HCN1: variants seen among roughly 807,000 people sequenced by gnomAD.
HCN1 encodes the protein hyperpolarization activated cyclic nucleotide gated potassium channel 1.
A neutral mutation model predicts 78.9 loss-of-function variants in HCN1; 13 were observed. The ratio of observed to expected loss-of-function variants is 0.16; its 90% CI spans 0.11 to 0.26. The LOEUF is 0.26. Among genes scored for constraint, HCN1 ranks in the 10% least tolerant of loss-of-function variants. The probability of loss-of-function intolerance (pLI) is 1.00; values close to 1 mark genes in which losing one functional copy is unlikely to be tolerated. For synonymous variants in HCN1, 552 were observed against 455.5 expected, an observed-to-expected ratio of 1.21 and a Z score of -2.70; for missense variants, 810 against 1,154.3, an observed-to-expected ratio of 0.70 and a Z score of 4.32.
intron 2 of HCN1, among the ~76,000 whole-genome samples, chr5:45,462,335 G>T (rs1003559228): frequency 2.0e-5 from 3 of 152,022 alleles, no homozygotes; most frequent in Non-Finnish European, 4.4e-5. Context: ...TTAAAACAAG[G>T]TAGCAAAATT....
intron 2 of HCN1, among the ~76,000 whole-genome samples, chr5:45,537,523 CTTTTTTTTTTT>C (rs71000638): frequency 7.7e-3 from 198 of 25,740 alleles, no homozygotes; most frequent in African/African-American, 0.019. Flanking sequence ...AACTCTAAGT[CTTTTTTTTTTT>C]TTTTTTTTTT....
intron 6 of HCN1, among the ~76,000 whole-genome samples, chr5:45,281,574 CTCT>C (rs1745167626): frequency 2.9e-5 from 4 of 139,962 alleles, no homozygotes; most frequent in Non-Finnish European, 4.6e-5. Context: ...AAGAGCTCTT[CTCT>C]TCTTTTTTTT....
At chr5:45,666,831 T>C (rs1466003035) in intron 1 of HCN1, among the ~76,000 whole-genome samples, 3 of 152,028 alleles carry the variant, frequency 2.0e-5, no homozygotes, top group African/African-American at 7.2e-5. Flanking sequence ...AATCAGTCTA[T>C]ATGTGTCTGT....
chr5:45,533,188 T>C (rs1742894959), intron 2 of HCN1, among the ~76,000 whole-genome samples: 1 of 152,214 alleles, frequency 6.6e-6, no homozygotes, highest in African/African-American at 2.4e-5. Flanking sequence ...TCTGAAAAGC[T>C]TTTTACTTTT....
At chr5:45,447,584 C>A (rs925415467) in intron 3 of HCN1, among the ~76,000 whole-genome samples, 12 of 152,166 alleles carry the variant, frequency 7.9e-5, no homozygotes, top group African/African-American at 2.9e-4. Context: ...GATCTGAAGA[C>A]AGGATCCTAA....
intron 7 of HCN1, 56 bp from the exon 8 acceptor site, chr5:45,262,866 G>A (rs184428692): frequency 1.9e-6 from 3 of 1,588,744 alleles, no homozygotes; most frequent in East Asian, 2.2e-5. Flanking sequence ...TGATGACAAC[G>A]CCAAGTGAGA....
chr5:45,442,865 C>A (rs190616260), intron 3 of HCN1, among the ~76,000 whole-genome samples: 3 of 152,112 alleles, frequency 2.0e-5, no homozygotes, highest in African/African-American at 7.2e-5. Context: ...AATTTTTAAT[C>A]AGTTTGATTA....
intron 4 of HCN1, among the ~76,000 whole-genome samples, chr5:45,359,578 A>G (rs1275476742): frequency 1.3e-5 from 2 of 151,868 alleles, no homozygotes; most frequent in East Asian, 3.9e-4. Context: ...TTTTTTTAAA[A>G]GGCAAAAGAC....
In HCN1 at chr5:45,262,377, C is replaced by T; in HGVS notation, c.2217G>A (p.Gln739=). Residue 739 remains glutamine, a synonymous_variant, in exon 8 of 8, where the codon CAG becomes CAA. Transcript: ENST00000303230. The part of the protein sequence containing the change: ...LMQQQPQQQV[Q]QSQPPQTQPQ... ...GCTGAGTCTGCGGCGGCTGGGACTG[C>T]TGTACCTGCTGCTGCGGCTGCTGTT... is the stretch of plus-strand genomic sequence containing the variant. The T allele has an allele frequency of 1.2e-6, 2 of 1,611,882 alleles. No individual in the cohort carries two copies. The highest frequency in any genetic ancestry group is 8.5e-7 in the Non-Finnish European group (1 of 1,179,618).
chr5:45,421,332 G>T (rs1740224037), intron 3 of HCN1, among the ~76,000 whole-genome samples: 1 of 152,160 alleles, frequency 6.6e-6, no homozygotes, highest in Admixed American at 6.5e-5. Context: ...AAAGTGCTGG[G>T]ATTACAGGCG....
chr5:45,324,363 AAAG>A (rs1746193368), intron 5 of HCN1, among the ~76,000 whole-genome samples: 1 of 152,022 alleles, frequency 6.6e-6, no homozygotes, highest in Non-Finnish European at 1.5e-5. Context: ...ACACTTCTCA[AAAG>A]AAGACATTTA....
In HCN1 at chr5:45,555,699, G is replaced by C. The variant is rs558118560; in HGVS notation, c.849+89486C>G. Reference sequence around the variant, plus strand: ...AGCATGGTACTAGCATAAAAGCAGAGACATAGAAAAATACAACAGAATAAA... The same window carrying C: ...AGCATGGTACTAGCATAAAAGCAGACACATAGAAAAATACAACAGAATAAA... On this transcript the variant is annotated intron_variant, in intron 2 of 7. Coordinates refer to ENST00000303230, the MANE Select transcript of HCN1 (RefSeq NM_021072.4). 4.8e-5 allele frequency among the ~76,000 whole-genome samples: 7 copies of C among 144,586 alleles called. No homozygotes were observed. In the South Asian group the frequency reaches 1.5e-3, roughly 32 times the overall value. 94.9% of individuals were successfully genotyped at this position (144,586 alleles called of 152,430 possible).
Position 45,311,011 on chromosome 5 carries a change from C to T in HCN1, c.1378-7172G>A, listed in dbSNP as rs115756418. On this transcript the variant is annotated intron_variant, in intron 5 of 7. Coordinates refer to ENST00000303230, the MANE Select transcript of HCN1 (RefSeq NM_021072.4). ...AGGAACAACACATACTGGGGCCTAT[C>T]GGAGGGTGGAAGGAGGGATAGAACC... 6.8e-3 allele frequency among the ~76,000 whole-genome samples: 1,033 copies of T among 152,000 alleles called. 8 individuals are homozygous for T. Among genetic ancestry groups the T allele is most frequent in the Middle Eastern group, 0.017 (5 of 294 alleles).
At chr5:45,420,651 C>T (rs1740208201) in intron 3 of HCN1, among the ~76,000 whole-genome samples, 1 of 152,090 alleles carries the variant, frequency 6.6e-6, no homozygotes, top group Non-Finnish European at 1.5e-5. Context: ...TGGTGTTTCT[C>T]CAACATAAAG....
At chr5:45,319,186 T>C (rs1746069705) in intron 5 of HCN1, among the ~76,000 whole-genome samples, 1 of 151,992 alleles carries the variant, frequency 6.6e-6, no homozygotes, top group African/African-American at 2.4e-5. Context: ...AAGCATCTTA[T>C]GCACTGATTT....
At chr5:45,507,595 T>C (rs1264062109) in intron 2 of HCN1, among the ~76,000 whole-genome samples, 3 of 151,924 alleles carry the variant, frequency 2.0e-5, no homozygotes, top group African/African-American at 7.3e-5. Context: ...CAAAGAGAAA[T>C]AACAGTATAT....
intron 2 of HCN1, among the ~76,000 whole-genome samples, chr5:45,594,303 G>A (rs1744442218): frequency 6.6e-6 from 1 of 152,072 alleles, no homozygotes; most frequent in South Asian, 2.1e-4. Context: ...AGTGCCTCTA[G>A]TATCCTCTCT....
chr5:45,677,615 T>C (rs1739599905), intron 1 of HCN1, among the ~76,000 whole-genome samples: 1 of 151,948 alleles, frequency 6.6e-6, no homozygotes, highest in African/African-American at 2.4e-5. Context: ...CATTTTGTTG[T>C]TCTGTTTTGT....
intron 2 of HCN1, among the ~76,000 whole-genome samples, chr5:45,556,277 G>A (rs760402421): frequency 6.6e-6 from 1 of 151,662 alleles, no homozygotes. Context: ...AAGACAACCC[G>A]CAAAATGGGA....
Sources: allele counts gnomAD v4.1 joint callset (sites outside exome capture counted in the v4.1 genomes callset), GRCh38; gene constraint gnomAD v4.1.1; transcripts MANE v1.5; gene names NCBI Gene and HGNC (gene_info 2026-07-23, HGNC 2026-07-21).